Variants in PCDH11X observed in about 807,000 individuals in gnomAD.
The protein encoded by PCDH11X is protocadherin 11 X-linked.
A neutral mutation model predicts 53.3 loss-of-function variants in PCDH11X; 18 were observed. That is an observed-to-expected ratio of 0.34 (90% confidence interval 0.23 to 0.50). The LOEUF (loss-of-function observed/expected upper bound fraction) is 0.50, where lower values mean the gene tolerates loss of function less well. Ranked by LOEUF, PCDH11X falls within the 20% of genes least tolerant of loss-of-function variation. The pLI, the probability that PCDH11X is intolerant of heterozygous loss-of-function variation, is 0.98. For missense variants in PCDH11X, 570 were observed against 1,032.4 expected, an observed-to-expected ratio of 0.55 and a Z score of 6.14; for synonymous variants, 279 against 393.3, an observed-to-expected ratio of 0.71 and a Z score of 3.44.
At chrX:92,434,462 A>C (rs1276421941) in intron 9 of PCDH11X, among the ~76,000 whole-genome samples, 1 of 110,490 alleles carries the variant, frequency 9.1e-6, no homozygotes, top group Non-Finnish European at 1.9e-5. Flanking sequence ...TAGGGTAAAG[A>C]AGAAGAGTGA....
At chrX:91,936,535 CA>C (rs1397606283) in intron 6 of PCDH11X, among the ~76,000 whole-genome samples, 2 of 106,816 alleles carry the variant, frequency 1.9e-5, no homozygotes, top group Non-Finnish European at 3.9e-5. Flanking sequence ...TTTTTGAAAT[CA>C]AAACATTTAT....
At chrX:92,241,978 C>T (rs2067269285) in intron 7 of PCDH11X, among the ~76,000 whole-genome samples, 1 of 109,925 alleles carries the variant, frequency 9.1e-6, no homozygotes, top group Non-Finnish European at 1.9e-5. Context: ...AGTCAAGATA[C>T]TGAACATACT....
chrX:91,933,430 A>T (rs2061411035), intron 6 of PCDH11X, among the ~76,000 whole-genome samples: 1 of 110,566 alleles, frequency 9.0e-6, no homozygotes, highest in African/African-American at 3.3e-5. Flanking sequence ...ACATTAGTGA[A>T]TTTTTGTTGT....
Position 91,844,130 on chromosome X carries a change from T to C in PCDH11X, c.540+8086T>C, listed in dbSNP as rs377615421. 1.4e-4 allele frequency among the ~76,000 whole-genome samples: 16 copies of C among 111,748 alleles called. No individual in the cohort carries two copies. In the East Asian group the frequency reaches 2.8e-3, roughly 20 times the overall value. Reference sequence around the variant, plus strand: ...GTAGGTTGAGGTTAATTACAGTCTTTCACAATTTTTCTAAGAGTTGATGCT... The same window carrying C: ...GTAGGTTGAGGTTAATTACAGTCTTCCACAATTTTTCTAAGAGTTGATGCT... On this transcript the variant is annotated intron_variant, in intron 5 of 10. Coordinates refer to ENST00000682573, the MANE Select transcript of PCDH11X (RefSeq NM_032968.5).
At chrX:91,837,868 G>A (rs1305575355) in intron 5 of PCDH11X, among the ~76,000 whole-genome samples, 2 of 111,549 alleles carry the variant, frequency 1.8e-5, no homozygotes, top group Non-Finnish European at 3.8e-5. Flanking sequence ...TTAGTAGCTA[G>A]TGCTACTAAG....
intron 10 of PCDH11X, among the ~76,000 whole-genome samples, chrX:92,616,918 T>C (rs1282548795): frequency 9.0e-6 from 1 of 111,412 alleles, no homozygotes; most frequent in Non-Finnish European, 1.9e-5. Flanking sequence ...TTTTTCATCT[T>C]TTTTTTTAAA....
intron 10 of PCDH11X, among the ~76,000 whole-genome samples, chrX:92,532,748 T>C (rs1276340048): frequency 9.2e-6 from 1 of 108,689 alleles, no homozygotes; most frequent in African/African-American, 3.4e-5. Context: ...CACATGCTGA[T>C]AAAGACATAC....
At chrX:91,829,556 T>C (rs1451874698) in intron 4 of PCDH11X, among the ~76,000 whole-genome samples, 1 of 110,103 alleles carries the variant, frequency 9.1e-6, no homozygotes, top group Non-Finnish European at 1.9e-5. Context: ...ATCTCTTTAA[T>C]TTTGTGATGC....
intron 6 of PCDH11X, among the ~76,000 whole-genome samples, chrX:92,052,853 C>G (rs997000049): frequency 2.7e-4 from 30 of 109,568 alleles, no homozygotes; most frequent in African/African-American, 9.9e-4. Flanking sequence ...TAGACACTAT[C>G]AAAACTTTAT....
At chrX:92,463,815 G>GACTA (rs1296217863) in intron 9 of PCDH11X, among the ~76,000 whole-genome samples, 1 of 110,552 alleles carries the variant, frequency 9.0e-6, no homozygotes, top group Non-Finnish European at 1.9e-5. Flanking sequence ...ATAGCTTGTG[G>GACTA]ACTAGGAAGA....
chrX:92,012,692 A>G (rs1431398545), intron 6 of PCDH11X, among the ~76,000 whole-genome samples: 1 of 111,574 alleles, frequency 9.0e-6, no homozygotes, highest in Non-Finnish European at 1.9e-5. Flanking sequence ...GTACATGTCC[A>G]TAATTCTATT....
intron 8 of PCDH11X, among the ~76,000 whole-genome samples, chrX:92,273,506 G>T (rs2068006004): frequency 9.0e-6 from 1 of 111,202 alleles, no homozygotes; most frequent in African/African-American, 3.3e-5. Flanking sequence ...CTTGGGCTCA[G>T]AGGCCTGACA....
At chrX:91,895,139 C>G (rs1940690644) in intron 6 of PCDH11X, among the ~76,000 whole-genome samples, 2 of 111,571 alleles carry the variant, frequency 1.8e-5, no homozygotes, top group African/African-American at 6.5e-5. Context: ...TTATGCCTTT[C>G]TTAGCAGTAT....
rs529589846 is a variant in PCDH11X, at chrX:92,033,825, A to G, written c.3033+154552A>G. 1.1e-3 allele frequency among the ~76,000 whole-genome samples: 114 copies of G among 107,310 alleles called. 1 individual carries two copies. The South Asian group carries it at 0.019, about 18-fold the overall frequency. 93.2% of individuals were successfully genotyped at this position (107,310 alleles called of 115,157 possible). A position where few individuals can be genotyped will look rare whatever the true frequency, so the allele number is the denominator to read the frequency against. ...GCTCTTGTTTTTCCAGTTTTTTAAG[A>G]TGCATAGTTAGGTTATGTATTTGAA... On this transcript the variant is annotated intron_variant, in intron 6 of 10. Coordinates refer to ENST00000682573, the MANE Select transcript of PCDH11X (RefSeq NM_032968.5).
intron 10 of PCDH11X, among the ~76,000 whole-genome samples, chrX:92,558,811 TCTTAA>T (rs748899593): frequency 7.2e-5 from 8 of 111,618 alleles, no homozygotes; most frequent in Admixed American, 1.9e-4. Flanking sequence ...CTTGCTGGTA[TCTTAA>T]CTTAATTGAT....
At chrX:92,461,016 A>G in intron 9 of PCDH11X, 1 of 597,722 alleles carries the variant, frequency 1.7e-6, no homozygotes, top group Non-Finnish European at 2.6e-6. Context: ...AGTTAAAAAA[A>G]AAAAAGATTT....
At chrX:92,504,041 CAAA>C (rs763047477) in intron 10 of PCDH11X, among the ~76,000 whole-genome samples, 2 of 23,073 alleles carry the variant, frequency 8.7e-5, no homozygotes, top group African/African-American at 1.3e-4. Flanking sequence ...CACCCAAGAT[CAAA>C]AAAAAAAAAA....
chrX:92,592,153 T>A (rs759175609), intron 10 of PCDH11X, among the ~76,000 whole-genome samples: 1 of 87,441 alleles, frequency 1.1e-5, no homozygotes, highest in African/African-American at 4.3e-5. Flanking sequence ...TCTGGGTCAG[T>A]TGCTAACTCT....
chrX:92,103,174 G>A (rs2064298540), intron 6 of PCDH11X, among the ~76,000 whole-genome samples: 2 of 110,800 alleles, frequency 1.8e-5, no homozygotes, highest in African/African-American at 3.3e-5. Context: ...TGTAGTCCAG[G>A]AAGAGTCAGG....
Sources: allele counts gnomAD v4.1 joint callset (sites outside exome capture counted in the v4.1 genomes callset), GRCh38; gene constraint gnomAD v4.1.1; transcripts MANE v1.5; gene names NCBI Gene and HGNC (gene_info 2026-07-23, HGNC 2026-07-21).